Variants in APEH observed in about 807,000 individuals in gnomAD.
APEH encodes acylaminoacyl-peptide hydrolase, also known as acylamino-acid-releasing enzyme.
APEH carries 75 observed loss-of-function variants against 102.7 expected under a neutral mutation model. The observed-to-expected ratio is 0.73, with a 90% CI of 0.61 to 0.89. APEH has a LOEUF of 0.89. Among genes scored for constraint, APEH ranks in the 40% least tolerant of loss-of-function variants. APEH has a pLI of 0.00. For synonymous variants in APEH, 344 were observed against 362.7 expected, an observed-to-expected ratio of 0.95 and a Z score of 0.59; for missense variants, 863 against 941.2, an observed-to-expected ratio of 0.92 and a Z score of 1.09.
At position 49,679,468 on chromosome 3, in the gene APEH, A is replaced by G; in HGVS notation, c.1159-125A>G. 7 of 938,190 alleles carry G rather than the reference A, an allele frequency of 7.5e-6. No homozygotes were observed. The highest frequency in any genetic ancestry group is 1.2e-5 in the Non-Finnish European group (7 of 588,582). The allele number at this position is 938,190 out of a possible 1,614,324, so 58.1% of individuals were successfully genotyped here. A position where few individuals can be genotyped will look rare whatever the true frequency, so the allele number is the denominator to read the frequency against. Reference sequence around the variant, plus strand: ...TACTGCACTGAGTAACCATCACCATAGCTGTCCACAGCCTTGGTCTGGCCA... The same window carrying G: ...TACTGCACTGAGTAACCATCACCATGGCTGTCCACAGCCTTGGTCTGGCCA... On this transcript the variant is annotated intron_variant, in intron 12 of 21. Coordinates refer to ENST00000296456, the MANE Select transcript of APEH (RefSeq NM_001640.4). The surrounding 1 kb of genome is among the most constrained non-coding windows in gnomAD (Gnocchi z 4.3).
At position 49,683,085 on chromosome 3, in the gene APEH, G is replaced by A; in HGVS notation, c.2032G>A (p.Val678Met). The A allele has an allele frequency of 1.2e-6, 2 of 1,614,074 alleles. No individual in the cohort carries two copies. The highest frequency in any genetic ancestry group is 1.7e-6 in the Non-Finnish European group (2 of 1,180,030). Reference sequence around the variant, plus strand: ...GATGTTGGGCCAGGAGGACCGGCGTGTGCCCTTCAAGCAGGGCATGGAGTA... The same window carrying A: ...GATGTTGGGCCAGGAGGACCGGCGTATGCCCTTCAAGCAGGGCATGGAGTA... Reference protein sequence around the residue: ...LLMLGQEDRRVPFKQGMEYYR... With the variant: ...LLMLGQEDRRMPFKQGMEYYR... Residue 678 changes from valine (V) to methionine (M), a missense_variant, in exon 21 of 22, where the codon GTG (valine) becomes ATG (methionine). By Grantham distance (21) the Val-to-Met change is conservative. Transcript: ENST00000296456.
Position 49,681,943 on chromosome 3 carries a change from A to C in APEH, c.1579A>C (p.Lys527Gln), listed in dbSNP as rs1389495716. ...GATGCTGTTCCCAGCCATGCTTTGC[A>C]AGATGGGCTTTGCGGTACTACTAGG... ...AWMLFPAMLC[K>Q]MGFAVLLVNY... Residue 527 changes from lysine (K) to glutamine (Q), a missense_variant, in exon 17 of 22, where the codon AAG becomes CAG. Transcript: ENST00000296456. 4.3e-6 allele frequency: 7 copies of C among 1,614,062 alleles called. No individual in the cohort carries two copies. The highest frequency in any genetic ancestry group is 8.5e-7 in the Non-Finnish European group (1 of 1,180,012).
In APEH at chr3:49,675,299, A is replaced by AC. The variant is rs2052976123; in HGVS notation, c.265dup (p.Arg89ProfsTer58). 6 of 1,613,692 alleles carry AC rather than the reference A, an allele frequency of 3.7e-6. No individual in the cohort carries two copies. The highest frequency in any genetic ancestry group is 3.3e-5 in the Admixed American group (2 of 59,970). On this transcript the variant is annotated frameshift_variant, in exon 3 of 22. Coordinates refer to ENST00000296456, the MANE Select transcript of APEH (RefSeq NM_001640.4). LOFTEE classifies it high-confidence loss of function. The stretch of plus-strand genomic sequence containing the variant: ...AGGACCTGCAGGCAACAGTGTGGAG[A>AC]CCCGGGGGGAGTAAGTTTGAGGGAG...
Position 49,682,342 on chromosome 3 carries a change from C to G in APEH, c.1604-6C>G. 6.2e-7 allele frequency: 1 copy of G among 1,611,442 alleles called. No individual in the cohort carries two copies. Among genetic ancestry groups the G allele is most frequent in the Non-Finnish European group, 8.5e-7 (1 of 1,178,176 alleles). On this transcript the variant is annotated splice_polypyrimidine_tract_variant and splice_region_variant and intron_variant, in intron 17 of 21. Coordinates refer to ENST00000296456, the MANE Select transcript of APEH (RefSeq NM_001640.4). ...ACTACACTGTCTGGTCCCTCCCTGC[C>G]CTCAGTGAACTATCGTGGCTCCACG...
chr3:49,675,448 G>T, intron 3 of APEH, 139 bp downstream of exon 3: 1 of 1,276,006 alleles, frequency 7.8e-7, no homozygotes, highest in South Asian at 1.4e-5. Context: ...AGTTTCTGGT[G>T]ACATGGCCTG....
chr3:49,683,031 A>T lies in APEH; in HGVS notation c.1987-9A>T. ...CAACACAGCTCCCCACTCTTCCCCA[A>T]ACACCCAGGTGAAGACACCACTGTT... On this transcript the variant is annotated splice_polypyrimidine_tract_variant and intron_variant, in intron 20 of 21. Transcript: ENST00000296456. 1 of 1,613,114 alleles carries T rather than the reference A, an allele frequency of 6.2e-7. No homozygotes were observed. Among genetic ancestry groups the T allele is most frequent in the Non-Finnish European group, 8.5e-7 (1 of 1,179,384 alleles).
rs2053231901 is a variant in APEH at position 49,679,698 on chromosome 3, C to A, written c.1210+54C>A. ...GGGCAGGGCTGGTGAGCAAGCCAAC[C>A]AGGCAGCGGGGGACTGGAGCTCCAA... On this transcript the variant is annotated intron_variant, in intron 13 of 21. Coordinates refer to ENST00000296456, the MANE Select transcript of APEH (RefSeq NM_001640.4). The surrounding 1 kb of genome is among the most constrained non-coding windows in gnomAD (Gnocchi z 4.3). The A allele has an allele frequency of 6.4e-7, 1 of 1,565,646 alleles. No individual in the cohort carries two copies.
chr3:49,674,201 C>A (rs1272417538), upstream of APEH: 1 of 670,960 alleles, frequency 1.5e-6, no homozygotes, highest in Non-Finnish European at 2.4e-6. Flanking sequence ...CCCAGGACTT[C>A]TCGCTCCCAG....
chr3:49,677,446 C>T (rs992475251), intron 10 of APEH, 127 bp from the exon 11 acceptor site: 7 of 865,316 alleles, frequency 8.1e-6, no homozygotes, highest in African/African-American at 1.7e-5. Flanking sequence ...AAAAGAGATA[C>T]ATCAGGCTTA....
chr3:49,683,592 A>G lies in APEH; in HGVS notation c.*250A>G, dbSNP rs753738916. 1.5e-4 allele frequency: 79 copies of G among 519,084 alleles called. No individual in the cohort carries two copies. Among genetic ancestry groups the G allele is most frequent in the Middle Eastern group, 5.2e-4 (1 of 1,910 alleles). The allele number at this position is 519,084 out of a possible 1,614,324, so 32.2% of individuals were successfully genotyped here. On this transcript the variant is annotated 3_prime_UTR_variant, in exon 22 of 22. Transcript: ENST00000296456. ...AGAGACCCTAGGTTCTGGGTGTGGC[A>G]GCCACAAGGGCTTCATCTGCCTCCA...
Position 49,676,737 on chromosome 3 carries a change from C to G in APEH, c.836+37C>G, listed in dbSNP as rs1237593157. On this transcript the variant is annotated intron_variant, in intron 8 of 21. Transcript: ENST00000296456. The stretch of plus-strand genomic sequence containing the variant: ...GGGCAAGGCAAGGGGCCTTGCAGCC[C>G]AGCTGGCCTTGAGACTGAGTGTCTG... The G allele has an allele frequency of 3.1e-6, 5 of 1,614,248 alleles. No homozygotes were observed. In the East Asian group the frequency reaches 8.9e-5, roughly 29 times the overall value.
chr3:49,675,380 A>AC, intron 3 of APEH, 71 bp downstream of exon 3: 5 of 1,583,456 alleles, frequency 3.2e-6, no homozygotes, highest in Non-Finnish European at 4.3e-6. Context: ...ATGAATGCTC[A>AC]CCATGTGCCT....
intron 11 of APEH, among the ~76,000 whole-genome samples, 156 bp downstream of exon 11, chr3:49,677,789 G>A (rs1283970820): frequency 6.6e-6 from 1 of 151,540 alleles, no homozygotes; most frequent in Non-Finnish European, 1.5e-5. Context: ...CAGGGAGCGG[G>A]GCTGTCACCA....
Position 49,682,730 on chromosome 3 carries a change from C to G in APEH, c.1877C>G (p.Pro626Arg). Residue 626 changes from proline (P) to arginine (R), a missense_variant, in exon 19 of 22, where the codon CCT becomes CGT. Pro to Arg is a moderately radical substitution (Grantham distance 103). Coordinates refer to ENST00000296456, the MANE Select transcript of APEH (RefSeq NM_001640.4). ...TCCATGTTGGGCTCCACTGACATCC[C>G]TGACTGGTAGGCATACACCACAGGT... Reference protein sequence around the residue: ...IASMLGSTDIPDWCVVEAGFP... With the variant: ...IASMLGSTDIRDWCVVEAGFP... 2 of 1,613,906 alleles carry G rather than the reference C, an allele frequency of 1.2e-6. No homozygotes were observed. Among genetic ancestry groups the G allele is most frequent in the Non-Finnish European group, 1.7e-6 (2 of 1,179,948 alleles).
In APEH at chr3:49,682,735, T is replaced by A; in HGVS notation, c.1882T>A (p.Trp628Arg). 6.2e-7 allele frequency: 1 copy of A among 1,613,880 alleles called. No homozygotes were observed. The highest frequency in any genetic ancestry group is 8.5e-7 in the Non-Finnish European group (1 of 1,179,948). Residue 628 changes from tryptophan to arginine, a missense_variant and splice_region_variant, in exon 19 of 22, where the codon TGG becomes AGG. Transcript: ENST00000296456. ...SMLGSTDIPDWCVVEAGFPFS... is the reference protein window; with the variant it reads ...SMLGSTDIPDRCVVEAGFPFS... The stretch of plus-strand genomic sequence containing the variant: ...GTTGGGCTCCACTGACATCCCTGAC[T>A]GGTAGGCATACACCACAGGTCCCTG...
rs763245375 is a variant in APEH, at chr3:49,682,701, C to T, written c.1848C>T (p.Ile616=). The part of the protein sequence containing the change: ...ACVARNPVIN[I]ASMLGSTDIP... ...TGGCCCGGAACCCCGTGATCAACATCGCCTCCATGTTGGGCTCCACTGACA... is the reference window on the plus strand; with the variant it reads ...TGGCCCGGAACCCCGTGATCAACATTGCCTCCATGTTGGGCTCCACTGACA... The change falls in exon 19 of 22, where the codon ATC becomes ATT. Residue 616 remains isoleucine, a synonymous_variant. Coordinates refer to ENST00000296456, the MANE Select transcript of APEH (RefSeq NM_001640.4). 7 of 1,613,828 alleles carry T rather than the reference C, an allele frequency of 4.3e-6. No homozygotes were observed. In the African/African-American group the frequency reaches 5.3e-5, roughly 12 times the overall value.
chr3:49,675,307 G>A lies in APEH; in HGVS notation c.270G>A (p.Gly90=). The A allele has an allele frequency of 6.2e-7, 1 of 1,613,734 alleles. No homozygotes were observed. The highest frequency in any genetic ancestry group is 1.1e-5 in the South Asian group (1 of 91,028). ...GPAGNSVETR[G]ELLSRESPSG... ...CAGGCAACAGTGTGGAGACCCGGGG[G>A]GAGTAAGTTTGAGGGAGGAAGCTTG... Residue 90 remains glycine (G), a splice_region_variant and synonymous_variant, in exon 3 of 22, where the codon GGG becomes GGA. Transcript: ENST00000296456.
chr3:49,675,420 C>A, intron 3 of APEH, 111 bp downstream of exon 3: 1 of 1,461,834 alleles, frequency 6.8e-7, no homozygotes, highest in South Asian at 1.3e-5. Flanking sequence ...AGGTTCTTGC[C>A]CCCTTGGGAG....
rs969458350 is a variant in APEH, at chr3:49,678,877, C to T, written c.1086C>T (p.Ser362=). 6.2e-7 allele frequency: 1 copy of T among 1,613,902 alleles called. No homozygotes were observed. The highest frequency in any genetic ancestry group is 1.7e-5 in the Admixed American group (1 of 60,022). Residue 362 remains serine, a synonymous_variant, in exon 12 of 22, where the codon AGC becomes AGT. Transcript: ENST00000296456. ...AGAACTTCTCTGGGATCTACTGCAG[C>T]CTTCTGCCTTTGGGATGCTGGTCAG... ...LGENFSGIYC[S]LLPLGCWSAD...
Sources: allele counts gnomAD v4.1 joint callset (sites outside exome capture counted in the v4.1 genomes callset), GRCh38; gene constraint gnomAD v4.1.1; non-coding constraint Gnocchi (gnomAD v3.1); transcripts MANE v1.5; gene names NCBI Gene and HGNC (gene_info 2026-07-23, HGNC 2026-07-21).